BZW1: variants seen among roughly 807,000 people sequenced by gnomAD.
The protein encoded by BZW1 is eIF5-mimic protein 2.
Under a neutral mutation model 54.1 loss-of-function variants are expected in BZW1, and 3 were observed. The observed-to-expected ratio is 0.06, with a 90% CI of 0.03 to 0.14. The LOEUF (loss-of-function observed/expected upper bound fraction) is 0.14. Ranked by LOEUF, BZW1 falls within the 10% of genes least tolerant of loss-of-function variation. The pLI is 1.00. For missense variants in BZW1, 206 were observed against 491.7 expected, an observed-to-expected ratio of 0.42 and a Z score of 5.50; for synonymous variants, 152 against 162.7, an observed-to-expected ratio of 0.93 and a Z score of 0.50.
intron 1 of BZW1, chr2:200,812,348 T>A (rs906419502): frequency 1.6e-6 from 2 of 1,270,170 alleles, no homozygotes; most frequent in Non-Finnish European, 2.0e-6. Flanking sequence ...GCGGAGGGGC[T>A]GCCACCCACC....
At position 200,811,926 on chromosome 2, in the gene BZW1, G is replaced by A. The variant is rs935477785; in HGVS notation, c.-75G>A. ...CCTGGCGTTAGTTCCGGTCGCAGAGGAGACACCGCCGCAGTTGCCGGTACA... is the reference window on the plus strand; with the variant it reads ...CCTGGCGTTAGTTCCGGTCGCAGAGAAGACACCGCCGCAGTTGCCGGTACA... On this transcript the variant is annotated 5_prime_UTR_variant, in exon 1 of 12. Coordinates refer to ENST00000409600, the MANE Select transcript of BZW1 (RefSeq NM_001207067.2). 1.6e-5 allele frequency: 4 copies of A among 250,766 alleles called. No individual in the cohort carries two copies. Among genetic ancestry groups the A allele is most frequent in the South Asian group, 3.5e-4 (2 of 5,762 alleles). The allele number at this position is 250,766 out of a possible 1,614,324, so 15.5% of individuals were successfully genotyped here.
At chr2:200,812,920 G>A (rs1370844334) in intron 1 of BZW1, 1 of 663,870 alleles carries the variant, frequency 1.5e-6, no homozygotes, top group East Asian at 3.1e-5. Context: ...GGAGAAAACT[G>A]AACAATTAGG....
Position 200,826,831 on chromosome 2 carries a change from T to C in BZW1, c.*4653T>C, listed in dbSNP as rs2038714519. 6.6e-6 allele frequency: 1 copy of C among 152,194 alleles called. No homozygotes were observed. The highest frequency in any genetic ancestry group is 6.5e-5 in the Admixed American group (1 of 15,268). 9.4% of individuals were successfully genotyped at this position (152,194 alleles called of 1,614,324 possible). ...GGGGTGCTACAACGTTAATCAAATATAATTGAGCTGTTCTGTTTCCAGTCA... is the reference window on the plus strand; with the variant it reads ...GGGGTGCTACAACGTTAATCAAATACAATTGAGCTGTTCTGTTTCCAGTCA... On this transcript the variant is annotated 3_prime_UTR_variant, in exon 12 of 12. Coordinates refer to ENST00000409600, the MANE Select transcript of BZW1 (RefSeq NM_001207067.2).
Position 200,824,962 on chromosome 2 carries a change from G to A in BZW1, c.*2784G>A, listed in dbSNP as rs1285442843. ...GCTGGGATTATGGGCTTGAGCCACC[G>A]CGCCCAGCTAGACTTTTTTCTAATA... On this transcript the variant is annotated 3_prime_UTR_variant, in exon 12 of 12. Coordinates refer to ENST00000409600, the MANE Select transcript of BZW1 (RefSeq NM_001207067.2). 1 of 150,980 alleles carries A rather than the reference G, an allele frequency of 6.6e-6. No homozygotes were observed. Among genetic ancestry groups the A allele is most frequent in the African/African-American group, 2.4e-5 (1 of 40,926 alleles). 9.4% of individuals were successfully genotyped at this position (150,980 alleles called of 1,614,324 possible). A position where few individuals can be genotyped will look rare whatever the true frequency, so the allele number is the denominator to read the frequency against.
chr2:200,812,635 A>T (rs2038119767), intron 1 of BZW1: 11 of 1,299,728 alleles, frequency 8.5e-6, no homozygotes, highest in Non-Finnish European at 1.1e-5. Flanking sequence ...GGAGGAGGCT[A>T]GGACTGTGGG....
rs774768238 is a variant in BZW1, at chr2:200,821,270, A to G, written c.1193A>G (p.Lys398Arg). The G allele has an allele frequency of 1.9e-6, 3 of 1,613,492 alleles. No homozygotes were observed. The highest frequency in any genetic ancestry group is 1.3e-5 in the African/African-American group (1 of 75,046). ...KGKSVFLEQM[K>R]KFVEWLKNAE... is the part of the protein sequence containing the mutation. ...AAGAGTGTTTTCCTTGAGCAAATGA[A>G]AAAGTTTGTAGAATGGCTCAAAAAT... is the stretch of plus-strand genomic sequence containing the variant. The change falls in exon 11 of 12, where the codon AAA becomes AGA. Residue 398 changes from lysine to arginine, a missense_variant. Physicochemically the swap from Lys to Arg is conservative, Grantham distance 26 (BLOSUM62 2). Transcript: ENST00000409600.
intron 9 of BZW1, 118 bp downstream of exon 9, chr2:200,819,019 A>T: frequency 2.9e-5 from 34 of 1,163,486 alleles, no homozygotes; most frequent in Non-Finnish European, 4.0e-5. Flanking sequence ...GGGATGGCCC[A>T]CCAGTAAATA....
chr2:200,819,495 T>C (rs1022994510), intron 9 of BZW1, among the ~76,000 whole-genome samples: 2 of 152,160 alleles, frequency 1.3e-5, no homozygotes, highest in South Asian at 4.1e-4. Context: ...AATACTAATA[T>C]TGTTTGACAT....
Position 200,815,752 on chromosome 2 carries a change from A to G in BZW1, c.327A>G (p.Ala109=), listed in dbSNP as rs768986273. The change falls in exon 4 of 12, where the codon GCA becomes GCG. Residue 109 remains alanine (A), a synonymous_variant. Transcript: ENST00000409600. ...AAGAAGATCTAGAGACCATGCAAGCATTTGCTCAGGTAAATGAAACTTTAC... is the reference window on the plus strand; with the variant it reads ...AAGAAGATCTAGAGACCATGCAAGCGTTTGCTCAGGTAAATGAAACTTTAC... ...AAQEDLETMQ[A]FAQVFNKLIR... 3 of 1,564,976 alleles carry G rather than the reference A, an allele frequency of 1.9e-6. No individual in the cohort carries two copies. The East Asian group carries it at 7.0e-5, about 36-fold the overall frequency.
chr2:200,821,391 T>C, intron 11 of BZW1, 86 bp downstream of exon 11: 1 of 1,525,780 alleles, frequency 6.6e-7, no homozygotes. Context: ...TCCTTCTTTC[T>C]GATGCCATTT....
intron 4 of BZW1, 105 bp from the exon 5 acceptor site, chr2:200,816,220 C>G (rs1321607247): frequency 1.4e-6 from 1 of 703,470 alleles, no homozygotes; most frequent in African/African-American, 1.8e-5. Context: ...GAATTCTTCT[C>G]AAGCTGGTTT....
intron 9 of BZW1, chr2:200,819,206 TAGTG>T (rs2038411508): frequency 1.0e-5 from 3 of 288,424 alleles, no homozygotes; most frequent in Admixed American, 5.8e-5. Context: ...CTGGGCAACA[TAGTG>T]AGACCTCATC....
chr2:200,815,603 G>C, intron 3 of BZW1, 64 bp from the exon 4 acceptor site: 5 of 1,591,358 alleles, frequency 3.1e-6, no homozygotes, highest in Non-Finnish European at 4.3e-6. Flanking sequence ...GAACTATTTG[G>C]CAAACTTGTT....
At chr2:200,818,110 A>G (rs1241340715) in intron 7 of BZW1, 27 bp downstream of exon 7, 8 of 1,534,218 alleles carry the variant, frequency 5.2e-6, no homozygotes, top group Admixed American at 2.1e-5. Flanking sequence ...CATTCTTCCC[A>G]TTCTTGCCAA....
intron 9 of BZW1, chr2:200,819,246 C>T (rs1575056807): frequency 4.4e-6 from 1 of 225,108 alleles, no homozygotes; most frequent in South Asian, 5.9e-5. Flanking sequence ...AAAAAATAGC[C>T]AGTCGTGGTG....
At position 200,826,251 on chromosome 2, in the gene BZW1, A is replaced by T. The variant is rs572561325; in HGVS notation, c.*4073A>T. On this transcript the variant is annotated 3_prime_UTR_variant, in exon 12 of 12. Transcript: ENST00000409600. ...CTCTTCACTTTTTTCTCCCAGCTTA[A>T]CTAGAGGCAATTAACAGTCATTTCA... 2.6e-5 allele frequency: 4 copies of T among 152,212 alleles called. No homozygotes were observed. The highest frequency in any genetic ancestry group is 6.5e-5 in the Admixed American group (1 of 15,286). The allele number at this position is 152,212 out of a possible 1,614,324, so 9.4% of individuals were successfully genotyped here. A position where few individuals can be genotyped will look rare whatever the true frequency, so the allele number is the denominator to read the frequency against.
At chr2:200,813,088 T>C (rs1409343132) in intron 1 of BZW1, 120 bp from the exon 2 acceptor site, 1 of 809,928 alleles carries the variant, frequency 1.2e-6, no homozygotes, top group Non-Finnish European at 2.1e-6. Flanking sequence ...AATTGCCAGC[T>C]TTATATCCTG....
intron 9 of BZW1, chr2:200,819,267 G>C: frequency 4.7e-6 from 1 of 211,894 alleles, no homozygotes; most frequent in Non-Finnish European, 9.4e-6. Flanking sequence ...GCGCATGCCT[G>C]TAGTCCCAAC....
At chr2:200,812,098 G>A in intron 1 of BZW1, 108 bp downstream of exon 1, 1 of 632,142 alleles carries the variant, frequency 1.6e-6, no homozygotes, top group Non-Finnish European at 2.3e-6. Context: ...GGATGGGCCC[G>A]AACGGAGGTC....
Sources: gnomAD v4.1 joint callset for allele counts (sites outside exome capture counted in the v4.1 genomes callset) on GRCh38, gnomAD v4.1.1 for gene constraint, MANE v1.5 for transcripts, NCBI Gene and HGNC (gene_info 2026-07-23, HGNC 2026-07-21) for gene names.